CNTNAP5: variants seen among roughly 807,000 people sequenced by gnomAD.
CNTNAP5 encodes contactin-associated protein-like 5.
Under a neutral mutation model 150.2 loss-of-function variants are expected in CNTNAP5, and 72 were observed. The ratio of observed to expected loss-of-function variants is 0.48; its 90% confidence interval spans 0.40 to 0.58. CNTNAP5 has a LOEUF of 0.58. Ranked by LOEUF, CNTNAP5 falls within the 20% of genes least tolerant of loss-of-function variation. The pLI is 0.00. For synonymous variants in CNTNAP5, 672 were observed against 619.8 expected, an observed-to-expected ratio of 1.08 and a Z score of -1.25; for missense variants, 1,636 against 1,626.2, an observed-to-expected ratio of 1.01 and a Z score of -0.10.
At chr2:124,639,884 A>C (rs1678053060) in intron 12 of CNTNAP5, among the ~76,000 whole-genome samples, 1 of 152,062 alleles carries the variant, frequency 6.6e-6, no homozygotes, top group South Asian at 2.1e-4. Context: ...CCTTTGCCCC[A>C]AATGCCAATA....
chr2:124,524,550 A>G (rs1025972820), intron 9 of CNTNAP5, 98 bp downstream of exon 9: 1 of 1,167,790 alleles, frequency 8.6e-7, no homozygotes, highest in African/African-American at 1.5e-5. Context: ...TCAATTAGAC[A>G]ATTCTCCCAA....
At chr2:124,640,259 A>C (rs1678062453) in intron 12 of CNTNAP5, among the ~76,000 whole-genome samples, 1 of 152,204 alleles carries the variant, frequency 6.6e-6, no homozygotes, top group Non-Finnish European at 1.5e-5. Context: ...AGCAAGAAAA[A>C]AGAGAAAAAT....
At chr2:124,358,217 G>A (rs1690078860) in intron 3 of CNTNAP5, among the ~76,000 whole-genome samples, 1 of 152,082 alleles carries the variant, frequency 6.6e-6, no homozygotes, top group Admixed American at 6.5e-5. Context: ...AGACAATGGG[G>A]TTTTCTAGAT....
At position 124,872,413 on chromosome 2, in the gene CNTNAP5, TGTGC is replaced by T. The variant is rs199679851; in HGVS notation, c.3436+2656_3436+2659del. On this transcript the variant is annotated intron_variant, in intron 21 of 23. Transcript: ENST00000682447. ...GTGTGTGTGTGTGTGTGTGTGTGTG[TGTGC>T]GTGCATGTGCGTTTGTTCATATTGA... Among the ~76,000 whole-genome samples, 26 of 140,032 alleles carry T rather than the reference TGTGC, an allele frequency of 1.9e-4. No individual in the cohort carries two copies. In the East Asian group the frequency reaches 2.5e-3, roughly 13 times the overall value. 91.9% of individuals were successfully genotyped at this position (140,032 alleles called of 152,430 possible). A position where few individuals can be genotyped will look rare whatever the true frequency, so the allele number is the denominator to read the frequency against.
At chr2:124,849,136 C>A (rs1354059161) in intron 19 of CNTNAP5, among the ~76,000 whole-genome samples, 1 of 152,042 alleles carries the variant, frequency 6.6e-6, no homozygotes, top group African/African-American at 2.4e-5. Context: ...TTATATTTAA[C>A]TCTTTATTTT....
Position 124,739,468 on chromosome 2 carries a change from G to C in CNTNAP5, c.2078-7761G>C, listed in dbSNP as rs530572957. ...GTCTTCTTTTCTAAATCAGCATTTT[G>C]ATGGTGTGTGTTTTGTTCATATAGT... On this transcript the variant is annotated intron_variant, in intron 13 of 23. Coordinates refer to ENST00000682447, the MANE Select transcript of CNTNAP5 (RefSeq NM_001367498.1). Among the ~76,000 whole-genome samples, 17 of 152,236 alleles carry C rather than the reference G, an allele frequency of 1.1e-4. 2 individuals carry two copies. Among genetic ancestry groups the C allele is most frequent in the African/African-American group, 4.1e-4 (17 of 41,572 alleles).
intron 1 of CNTNAP5, among the ~76,000 whole-genome samples, chr2:124,142,838 CA>C (rs1684151942): frequency 6.6e-6 from 1 of 151,098 alleles, no homozygotes; most frequent in South Asian, 2.1e-4. Context: ...TCAAAAAAAT[CA>C]ATAAATCCAG....
chr2:124,190,590 A>G (rs919674791), intron 1 of CNTNAP5, among the ~76,000 whole-genome samples: 8 of 152,236 alleles, frequency 5.3e-5, no homozygotes, highest in Admixed American at 3.3e-4. Flanking sequence ...CGAAAGCTCA[A>G]TTAAACTACT....
At chr2:124,075,744 T>G (rs73954520) in intron 1 of CNTNAP5, among the ~76,000 whole-genome samples, 2,111 of 152,226 alleles carry the variant, frequency 0.014, 56 homozygotes, top group African/African-American at 0.049. Flanking sequence ...AGATACCCAG[T>G]CAGCAATCAC....
At position 124,443,118 on chromosome 2, in the gene CNTNAP5, C is replaced by G. The variant is rs577528642; in HGVS notation, c.734-3635C>G. 2.8e-4 allele frequency among the ~76,000 whole-genome samples: 43 copies of G among 151,916 alleles called. 1 individual carries two copies. The South Asian group carries it at 8.9e-3, about 32-fold the overall frequency. ...GCTTGTGCCCAAGCGAGATAATATCCACATAATAAAGTATCTCAACAGTTT... is the reference window on the plus strand; with the variant it reads ...GCTTGTGCCCAAGCGAGATAATATCGACATAATAAAGTATCTCAACAGTTT... On this transcript the variant is annotated intron_variant, in intron 5 of 23. Coordinates refer to ENST00000682447, the MANE Select transcript of CNTNAP5 (RefSeq NM_001367498.1).
chr2:124,885,549 TCACACACACACACA>T (rs3980831), intron 21 of CNTNAP5, among the ~76,000 whole-genome samples: 10 of 145,260 alleles, frequency 6.9e-5, no homozygotes, highest in African/African-American at 1.0e-4. Flanking sequence ...AACATTTTCA[TCACACACACACACA>T]CACACACACA....
At chr2:124,035,744 G>A (rs1681195376) in intron 1 of CNTNAP5, among the ~76,000 whole-genome samples, 1 of 151,968 alleles carries the variant, frequency 6.6e-6, no homozygotes, top group Non-Finnish European at 1.5e-5. Context: ...AAGTTTATTA[G>A]CTTAACCCAT....
chr2:124,601,628 A>G (rs1352557518), intron 11 of CNTNAP5, among the ~76,000 whole-genome samples: 3 of 152,238 alleles, frequency 2.0e-5, no homozygotes, highest in Non-Finnish European at 4.4e-5. Flanking sequence ...TCTTAGAGAC[A>G]TGAATGAAGT....
chr2:124,382,199 A>G (rs1690812776), intron 3 of CNTNAP5, among the ~76,000 whole-genome samples: 1 of 152,164 alleles, frequency 6.6e-6, no homozygotes, highest in Non-Finnish European at 1.5e-5. Context: ...CCTTCCTGCT[A>G]GAATGAGCAC....
chr2:124,185,545 T>C (rs187081405), intron 1 of CNTNAP5, among the ~76,000 whole-genome samples: 2 of 152,270 alleles, frequency 1.3e-5, no homozygotes, highest in African/African-American at 4.8e-5. Context: ...TGTCAAACCA[T>C]ACAGAGGTGT....
At position 124,902,780 on chromosome 2, in the gene CNTNAP5, A is replaced by T. The variant is rs1289252440; in HGVS notation, c.3437-102A>T. On this transcript the variant is annotated intron_variant, in intron 21 of 23. Coordinates refer to ENST00000682447, the MANE Select transcript of CNTNAP5 (RefSeq NM_001367498.1). The stretch of plus-strand genomic sequence containing the variant: ...GGTTTTCTTTACTCAAACAATAACA[A>T]GGTAATTTCTGTAATTTTAGATACT... 4.1e-6 allele frequency: 3 copies of T among 731,876 alleles called. No homozygotes were observed. In the African/African-American group the frequency reaches 5.3e-5, roughly 13 times the overall value. The allele number at this position is 731,876 out of a possible 1,614,324, so 45.3% of individuals were successfully genotyped here.
chr2:124,280,644 A>G (rs889127363), intron 3 of CNTNAP5, among the ~76,000 whole-genome samples: 1 of 152,122 alleles, frequency 6.6e-6, no homozygotes, highest in Non-Finnish European at 1.5e-5. Context: ...GCCATCAGCT[A>G]TTATTTAGCT....
At chr2:124,876,809 G>A (rs1398555881) in intron 21 of CNTNAP5, among the ~76,000 whole-genome samples, 1 of 151,802 alleles carries the variant, frequency 6.6e-6, no homozygotes, top group Non-Finnish European at 1.5e-5. Context: ...TTTATATTTT[G>A]TCCAGATAAT....
At chr2:124,059,991 A>G (rs1373588925) in intron 1 of CNTNAP5, among the ~76,000 whole-genome samples, 2 of 152,168 alleles carry the variant, frequency 1.3e-5, no homozygotes, top group African/African-American at 4.8e-5. Flanking sequence ...AAAAATGAAA[A>G]TACTTCAAAT....
Sources: allele counts gnomAD v4.1 joint callset (sites outside exome capture counted in the v4.1 genomes callset), GRCh38; gene constraint gnomAD v4.1.1; transcripts MANE v1.5; gene names NCBI Gene and HGNC (gene_info 2026-07-23, HGNC 2026-07-21).